SCEL: variants seen among roughly 807,000 people sequenced by gnomAD.
SCEL encodes the protein sciellin.
In SCEL, 113 loss-of-function variants were observed where a neutral mutation model predicts 117.6. That is an observed-to-expected ratio of 0.96 (90% CI 0.83 to 1.12). SCEL has a LOEUF of 1.12. Ranked by LOEUF, SCEL falls within the 50% of genes most tolerant of loss-of-function variation. The pLI is 0.00. For missense variants in SCEL, 785 were observed against 810.8 expected, an observed-to-expected ratio of 0.97 and a Z score of 0.39; for synonymous variants, 270 against 256.2, an observed-to-expected ratio of 1.05 and a Z score of -0.51.
intron 5 of SCEL, among the ~76,000 whole-genome samples, chr13:77,565,639 T>C (rs1328344624): frequency 6.6e-6 from 1 of 152,238 alleles, no homozygotes. Context: ...AGGAGGAAGA[T>C]GATCAAATAT....
intron 28 of SCEL, among the ~76,000 whole-genome samples, chr13:77,628,915 G>A (rs2089902784): frequency 6.6e-6 from 1 of 151,988 alleles, no homozygotes; most frequent in South Asian, 2.1e-4. Context: ...AATGAGGGAG[G>A]ATAAATTTTC....
At chr13:77,626,633 G>A (rs2089746377) in intron 27 of SCEL, among the ~76,000 whole-genome samples, 1 of 152,090 alleles carries the variant, frequency 6.6e-6, no homozygotes, top group African/African-American at 2.4e-5. Context: ...AAAGTGTTTG[G>A]TGGTTCCCCC....
At chr13:77,617,262 T>G (rs1011800091) in intron 24 of SCEL, among the ~76,000 whole-genome samples, 4 of 152,152 alleles carry the variant, frequency 2.6e-5, no homozygotes, top group African/African-American at 9.6e-5. Context: ...TTGGTGAACC[T>G]GATTTTAAAA....
intron 17 of SCEL, 109 bp downstream of exon 17, chr13:77,602,822 C>T: frequency 1.1e-6 from 1 of 888,116 alleles, no homozygotes; most frequent in Non-Finnish European, 1.8e-6. Flanking sequence ...GTGTCTAATC[C>T]CTGGTGCCCT....
intron 27 of SCEL, among the ~76,000 whole-genome samples, chr13:77,627,201 G>C (rs143777571): frequency 1.3e-4 from 20 of 152,218 alleles, no homozygotes; most frequent in African/African-American, 4.8e-4. Context: ...TGGGCAGATG[G>C]CATCATCTCA....
chr13:77,610,312 C>T (rs1041190724), intron 22 of SCEL, among the ~76,000 whole-genome samples: 2 of 151,686 alleles, frequency 1.3e-5, no homozygotes, highest in African/African-American at 4.8e-5. Flanking sequence ...TTTAGCTGGG[C>T]GTGGTGGTGG....
chr13:77,605,789 G>A (rs1042158771), intron 19 of SCEL, among the ~76,000 whole-genome samples: 1 of 152,042 alleles, frequency 6.6e-6, no homozygotes, highest in Non-Finnish European at 1.5e-5. Context: ...GGTGGATCAC[G>A]AGGTCAGGGG....
At position 77,604,509 on chromosome 13, in the gene SCEL, T is replaced by G. The variant is rs965130006; in HGVS notation, c.1157+94T>G. On this transcript the variant is annotated intron_variant, in intron 19 of 32. Coordinates refer to ENST00000349847, the MANE Select transcript of SCEL (RefSeq NM_144777.3). ...GGTATTCAGGACAGTAAATTGGAATTCAGGCCAAAACAAACTGAGCTCTTT... is the reference window on the plus strand; with the variant it reads ...GGTATTCAGGACAGTAAATTGGAATGCAGGCCAAAACAAACTGAGCTCTTT... 5.0e-6 allele frequency: 5 copies of G among 1,000,736 alleles called. No individual in the cohort carries two copies. The African/African-American group carries it at 8.5e-5, about 17-fold the overall frequency. 62.0% of individuals were successfully genotyped at this position (1,000,736 alleles called of 1,614,324 possible).
At chr13:77,597,452 G>T in intron 12 of SCEL, 93 bp from the exon 13 acceptor site, 1 of 672,248 alleles carries the variant, frequency 1.5e-6, no homozygotes, top group Non-Finnish European at 2.6e-6. Context: ...GGGATGTGTT[G>T]TATTTCAGAG....
At chr13:77,608,477 A>G (rs1019773785) in intron 20 of SCEL, among the ~76,000 whole-genome samples, 6 of 152,140 alleles carry the variant, frequency 3.9e-5, no homozygotes, top group Admixed American at 1.3e-4. Context: ...GAGTGCACCT[A>G]TAGTCCCAGC....
intron 1 of SCEL, among the ~76,000 whole-genome samples, chr13:77,543,153 G>A (rs1227904560): frequency 2.1e-5 from 3 of 142,752 alleles, no homozygotes; most frequent in East Asian, 2.0e-4. Context: ...GCGGGATCTC[G>A]GCTCACTGCA....
chr13:77,554,562 G>A (rs1404738807), intron 1 of SCEL, among the ~76,000 whole-genome samples: 3 of 152,308 alleles, frequency 2.0e-5, no homozygotes, highest in African/African-American at 7.2e-5. Context: ...GGAGGTGGGG[G>A]CTTTTAGAAC....
chr13:77,601,990 G>A lies in SCEL; in HGVS notation c.918-75G>A, dbSNP rs183876461. On this transcript the variant is annotated intron_variant, in intron 15 of 32. Coordinates refer to ENST00000349847, the MANE Select transcript of SCEL (RefSeq NM_144777.3). ...GTGGGAAATCTGCTGTTGTCATTAC[G>A]AGAGTCTGAATATATCACTGAGTTG... 103 of 1,146,438 alleles carry A rather than the reference G, an allele frequency of 9.0e-5. 1 individual carries two copies. In the East Asian group the frequency reaches 1.1e-3, roughly 12 times the overall value. The allele number at this position is 1,146,438 out of a possible 1,614,324, so 71.0% of individuals were successfully genotyped here.
intron 27 of SCEL, among the ~76,000 whole-genome samples, chr13:77,622,565 G>T (rs2089482255): frequency 6.6e-6 from 1 of 152,100 alleles, no homozygotes; most frequent in Non-Finnish European, 1.5e-5. Context: ...CAAATATTCT[G>T]CAGTCTACAT....
At chr13:77,638,872 C>A (rs553298759) in intron 30 of SCEL, among the ~76,000 whole-genome samples, 1 of 152,164 alleles carries the variant, frequency 6.6e-6, no homozygotes, top group East Asian at 1.9e-4. Context: ...CTCCACCAAC[C>A]CCTCATCCCC....
chr13:77,556,843 G>A, intron 3 of SCEL, 130 bp downstream of exon 3: 1 of 688,700 alleles, frequency 1.5e-6, no homozygotes, highest in Admixed American at 2.4e-5. Context: ...TCTAATTTTT[G>A]GTGAGACTTA....
At chr13:77,610,311 G>T (rs150178444) in intron 22 of SCEL, among the ~76,000 whole-genome samples, 3,724 of 152,058 alleles carry the variant, frequency 0.024, 150 homozygotes, top group East Asian at 0.13. Flanking sequence ...ATTTAGCTGG[G>T]CGTGGTGGTG....
At chr13:77,608,322 G>A (rs775339032) in intron 20 of SCEL, among the ~76,000 whole-genome samples, 18 of 152,160 alleles carry the variant, frequency 1.2e-4, no homozygotes, top group Non-Finnish European at 2.5e-4. Flanking sequence ...TTGTTTGGCC[G>A]GGTACGGTGG....
chr13:77,620,516 C>T (rs2089349846), intron 27 of SCEL, among the ~76,000 whole-genome samples: 1 of 152,168 alleles, frequency 6.6e-6, no homozygotes, highest in African/African-American at 2.4e-5. Flanking sequence ...AAACTACAGC[C>T]ATTGATCAGA....
Sources: allele counts gnomAD v4.1 joint callset (sites outside exome capture counted in the v4.1 genomes callset), GRCh38; gene constraint gnomAD v4.1.1; transcripts MANE v1.5; gene names NCBI Gene and HGNC (gene_info 2026-07-23, HGNC 2026-07-21).